Variants in PAX3 observed in about 807,000 individuals in gnomAD.
The protein encoded by PAX3 is paired box protein Pax-3.
In PAX3, 14 loss-of-function variants were observed where a neutral mutation model predicts 51.6. The observed-to-expected ratio is 0.27, with a 90% CI of 0.18 to 0.42. The LOEUF is 0.42. Ranked by LOEUF, PAX3 falls within the 10% of genes least tolerant of loss-of-function variation. The pLI is 1.00. For missense variants in PAX3, 540 were observed against 642.8 expected, an observed-to-expected ratio of 0.84 and a Z score of 1.73; for synonymous variants, 280 against 253.4, an observed-to-expected ratio of 1.11 and a Z score of -1.00.
Position 222,274,967 on chromosome 2 carries a change from G to C in PAX3, c.586+19200C>G, listed in dbSNP as rs533825815. On this transcript the variant is annotated intron_variant, in intron 4 of 8. Transcript: ENST00000392070. ...ATATGGAAAAGGGAGTCAATAATTT[G>C]AACTGTTTTGATTTGTATGGAATTA... 1.2e-4 allele frequency among the ~76,000 whole-genome samples: 19 copies of C among 152,298 alleles called. No individual in the cohort carries two copies. In the East Asian group the frequency reaches 3.5e-3, roughly 28 times the overall value.
chr2:222,202,179 G>C lies in PAX3; in HGVS notation c.1185C>G (p.Leu395=). The change falls in exon 8 of 9, where the codon CTC becomes CTG. Residue 395 remains leucine, a synonymous_variant. Coordinates refer to ENST00000392070, the MANE Select transcript of PAX3 (RefSeq NM_181458.4). The part of the protein sequence containing the change: ...GNGLSPQVMG[L]LTNHGGVPHQ... ...GAGGTACCCCACCGTGGTTGGTCAGGAGTCCCATTACCTAAAAAAACAGCC... is the reference window on the plus strand; with the variant it reads ...GAGGTACCCCACCGTGGTTGGTCAGCAGTCCCATTACCTAAAAAAACAGCC... 1 of 1,595,834 alleles carries C rather than the reference G, an allele frequency of 6.3e-7. No homozygotes were observed.
intron 5 of PAX3, among the ~76,000 whole-genome samples, chr2:222,224,988 C>A (rs752644341): frequency 3.9e-5 from 6 of 152,122 alleles, no homozygotes; most frequent in Non-Finnish European, 8.8e-5. Context: ...TGGCTATACA[C>A]CTTTAAATGA....
intron 4 of PAX3, among the ~76,000 whole-genome samples, chr2:222,254,414 A>G (rs61426264): frequency 0.12 from 17,652 of 152,228 alleles, 1,252 homozygotes; most frequent in East Asian, 0.32. Context: ...CCAGTGCATC[A>G]CACATATAAG....
At chr2:222,225,523 C>CT (rs1377762415) in intron 5 of PAX3, among the ~76,000 whole-genome samples, 2 of 152,092 alleles carry the variant, frequency 1.3e-5, no homozygotes, top group Non-Finnish European at 2.9e-5. Context: ...GAAACTAGTA[C>CT]TTTCTACAGT....
intron 5 of PAX3, 199 bp from the exon 6 acceptor site, chr2:222,221,586 TC>T: frequency 1.8e-6 from 1 of 563,276 alleles, no homozygotes; most frequent in Non-Finnish European, 3.2e-6. Flanking sequence ...TAGAGGGGCT[TC>T]AGGGACCCAC....
intron 7 of PAX3, among the ~76,000 whole-genome samples, chr2:222,209,881 T>C (rs1260790424): frequency 2.0e-5 from 3 of 151,888 alleles, no homozygotes. Context: ...GCAGAGTGAC[T>C]CTCTGTCTCA....
chr2:222,294,974 G>C (rs2106198814), intron 3 of PAX3, among the ~76,000 whole-genome samples: 1 of 152,132 alleles, frequency 6.6e-6, no homozygotes, highest in African/African-American at 2.4e-5. Flanking sequence ...GAGGGAAAAA[G>C]GGAGTTTCCT....
At chr2:222,291,071 G>A (rs563878722) in intron 4 of PAX3, among the ~76,000 whole-genome samples, 61 of 152,284 alleles carry the variant, frequency 4.0e-4, no homozygotes, top group Non-Finnish European at 4.7e-4. Flanking sequence ...GCGGAGCGGC[G>A]CGGCGCTTTG....
At chr2:222,203,396 C>T (rs1411485687) in intron 7 of PAX3, among the ~76,000 whole-genome samples, 6 of 152,036 alleles carry the variant, frequency 3.9e-5, no homozygotes, top group African/African-American at 1.4e-4. Flanking sequence ...GACACATCTA[C>T]TTACAAAGTA....
chr2:222,287,369 A>G (rs1018652368), intron 4 of PAX3: 2 of 152,254 alleles, frequency 1.3e-5, no homozygotes, highest in African/African-American at 4.8e-5. Flanking sequence ...CAGAAAGATG[A>G]CAATACCTGA....
chr2:222,203,056 T>TATATATA (rs3997677), intron 7 of PAX3, among the ~76,000 whole-genome samples: 8 of 114,834 alleles, frequency 7.0e-5, no homozygotes, highest in South Asian at 2.7e-4. Flanking sequence ...TATATATATA[T>TATATATA]GAAGTGTTAA....
chr2:222,294,402 T>C, intron 3 of PAX3, 101 bp from the exon 4 acceptor site: 1 of 1,289,962 alleles, frequency 7.8e-7, no homozygotes, highest in South Asian at 1.2e-5. Context: ...GCCAGGGCCC[T>C]AGAGCCGCTG....
intron 5 of PAX3, 137 bp downstream of exon 5, chr2:222,231,934 TCAAAGTC>T: frequency 1.3e-6 from 1 of 752,902 alleles, no homozygotes; most frequent in South Asian, 1.5e-5. Flanking sequence ...CAGTAAATAA[TCAAAGTC>T]CTAACAATAT....
intron 4 of PAX3, among the ~76,000 whole-genome samples, chr2:222,275,965 C>T (rs370421451): frequency 1.3e-5 from 2 of 152,148 alleles, no homozygotes; most frequent in African/African-American, 2.4e-5. Context: ...GCCATTAGGG[C>T]GTTAATTTAA....
At chr2:222,293,717 T>C in intron 4 of PAX3, 1 of 1,614,082 alleles carries the variant, frequency 6.2e-7, no homozygotes, top group South Asian at 1.1e-5. Flanking sequence ...TCTCTCTCTC[T>C]CTCCTTTAAT....
intron 7 of PAX3, among the ~76,000 whole-genome samples, chr2:222,203,543 C>T (rs554196605): frequency 1.3e-5 from 2 of 152,216 alleles, no homozygotes; most frequent in Admixed American, 6.5e-5. Flanking sequence ...CAAGCCCTGA[C>T]TATAAGCCCT....
intron 4 of PAX3, chr2:222,264,792 C>G (rs575563949): frequency 6.6e-6 from 1 of 152,220 alleles, no homozygotes; most frequent in Admixed American, 6.5e-5. Context: ...TCACTCGCAG[C>G]TTTTGCCTTT....
intron 4 of PAX3, among the ~76,000 whole-genome samples, chr2:222,242,086 C>T (rs960315675): frequency 6.6e-6 from 1 of 152,132 alleles, no homozygotes; most frequent in Non-Finnish European, 1.5e-5. Context: ...CCTTTGGAAA[C>T]AAATATTTCT....
At chr2:222,270,871 T>C (rs1374427082) in intron 4 of PAX3, among the ~76,000 whole-genome samples, 1 of 152,242 alleles carries the variant, frequency 6.6e-6, no homozygotes, top group African/African-American at 2.4e-5. Context: ...AGGTCCCTTA[T>C]GTCCTAGATA....
Sources: gnomAD v4.1 joint callset for allele counts (sites outside exome capture counted in the v4.1 genomes callset) on GRCh38, gnomAD v4.1.1 for gene constraint, MANE v1.5 for transcripts, NCBI Gene and HGNC (gene_info 2026-07-23, HGNC 2026-07-21) for gene names.